HTR1E: variants seen among roughly 807,000 people sequenced by gnomAD.
HTR1E encodes the protein 5-hydroxytryptamine receptor 1E, also known as 5-HT-1E.
A neutral mutation model predicts 3.4 loss-of-function variants in HTR1E; 3 were observed. The ratio of observed to expected loss-of-function variants is 0.89; its 90% CI spans 0.41 to 2.31. The LOEUF is 2.31. Ranked by LOEUF, HTR1E falls within the 30% of genes most tolerant of loss-of-function variation. HTR1E has a pLI of 0.05. For synonymous variants in HTR1E, 170 were observed against 182.8 expected (o/e 0.93, Z 0.56); for missense variants, 392 against 467.0 (o/e 0.84, Z 1.48).
chr6:86,999,529 G>T (rs1305353942), intron 1 of HTR1E, among the ~76,000 whole-genome samples: 1 of 152,134 alleles, frequency 6.6e-6, no homozygotes, highest in Non-Finnish European at 1.5e-5. Flanking sequence ...CCATGTGACT[G>T]ACTAAGCCAC....
intron 1 of HTR1E, among the ~76,000 whole-genome samples, chr6:86,945,375 G>T (rs56108367): frequency 5.3e-5 from 8 of 151,996 alleles, no homozygotes; most frequent in Admixed American, 1.3e-4. Context: ...CCTAGTAGCT[G>T]GGATTACAGG....
intron 1 of HTR1E, among the ~76,000 whole-genome samples, chr6:86,952,498 GACACACAC>G (rs149359215): frequency 6.8e-6 from 1 of 146,944 alleles, no homozygotes; most frequent in African/African-American, 2.5e-5. Flanking sequence ...CACACACACA[GACACACAC>G]ACACACACAC....
At chr6:86,980,256 G>A (rs968621199) in intron 1 of HTR1E, among the ~76,000 whole-genome samples, 4 of 151,918 alleles carry the variant, frequency 2.6e-5, no homozygotes, top group East Asian at 1.9e-4. Flanking sequence ...GCATGGTGGC[G>A]GGCGCCTGTA....
chr6:87,012,595 A>T (rs915358137), intron 1 of HTR1E, among the ~76,000 whole-genome samples: 3 of 152,362 alleles, frequency 2.0e-5, no homozygotes. Context: ...AAGTTGACTT[A>T]TTTTTAATAG....
intron 1 of HTR1E, among the ~76,000 whole-genome samples, chr6:87,010,513 C>A (rs1288320529): frequency 7.3e-6 from 1 of 136,790 alleles, no homozygotes; most frequent in African/African-American, 2.8e-5. Flanking sequence ...CCAGATGGGG[C>A]GGCGGGGCAG....
intron 1 of HTR1E, among the ~76,000 whole-genome samples, chr6:87,010,319 C>G (rs1220862850): frequency 2.1e-5 from 2 of 94,088 alleles, no homozygotes; most frequent in Non-Finnish European, 4.0e-5. Context: ...GGGGGGCTGA[C>G]CCCCCCCACC....
chr6:86,955,401 GA>G, intron 1 of HTR1E, among the ~76,000 whole-genome samples: 1 of 152,314 alleles, frequency 6.6e-6, no homozygotes, highest in Non-Finnish European at 1.5e-5. Context: ...TTCTCTCACA[GA>G]TACTTGATAG....
intron 1 of HTR1E, among the ~76,000 whole-genome samples, chr6:86,994,631 C>A (rs1308070295): frequency 6.6e-6 from 1 of 151,852 alleles, no homozygotes; most frequent in Admixed American, 6.6e-5. Context: ...AAAGAAAGTT[C>A]TCTAGACAGA....
At chr6:86,980,338 G>A (rs909361991) in intron 1 of HTR1E, among the ~76,000 whole-genome samples, 4 of 149,864 alleles carry the variant, frequency 2.7e-5, no homozygotes, top group Non-Finnish European at 4.4e-5. Flanking sequence ...AGTGAGCCAA[G>A]ATCGAGCCAC....
intron 1 of HTR1E, among the ~76,000 whole-genome samples, chr6:87,013,677 C>G (rs1296688435): frequency 1.3e-5 from 2 of 151,304 alleles, no homozygotes; most frequent in East Asian, 1.9e-4. Context: ...TAAAAAAAAG[C>G]CTTTTTATAT....
chr6:87,016,423 G>C lies in HTR1E; in HGVS notation c.1089G>C (p.Glu363Asp), dbSNP rs1363155756. ...LAFKKLIRCR[E>D]HT is the part of the protein sequence containing the mutation. ...TTAAAAAGCTCATTAGATGCCGAGA[G>C]CATACTTAGACTGTAAAAAGCTAAA... The change falls in exon 2 of 2, where the codon GAG becomes GAC. Residue 363 changes from glutamate to aspartate, a missense_variant. Glu to Asp is a conservative substitution (Grantham distance 45). Around this residue, in one of 3 missense-constraint regions of HTR1E, gnomAD observed 25 missense variants for 44.1 expected, o/e 0.57. Coordinates refer to ENST00000305344, the MANE Select transcript of HTR1E (RefSeq NM_000865.3). 7 of 1,599,586 alleles carry C rather than the reference G, an allele frequency of 4.4e-6. No homozygotes were observed. Among genetic ancestry groups the C allele is most frequent in the African/African-American group, 1.3e-5 (1 of 74,646 alleles).
intron 1 of HTR1E, among the ~76,000 whole-genome samples, chr6:86,981,630 C>T (rs1562066785): frequency 6.6e-6 from 1 of 152,188 alleles, no homozygotes; most frequent in Non-Finnish European, 1.5e-5. Context: ...TCCATGCCAG[C>T]TGTCACATGG....
intron 1 of HTR1E, among the ~76,000 whole-genome samples, chr6:86,951,740 AT>A (rs1177149391): frequency 2.0e-5 from 3 of 152,224 alleles, no homozygotes; most frequent in Non-Finnish European, 2.9e-5. Context: ...AAAGAAAAAA[AT>A]ATATATGTCT....
At chr6:87,008,921 C>T (rs1274682213) in intron 1 of HTR1E, among the ~76,000 whole-genome samples, 1 of 152,188 alleles carries the variant, frequency 6.6e-6, no homozygotes. Context: ...AATAACCACT[C>T]TCCTTATGTT....
intron 1 of HTR1E, among the ~76,000 whole-genome samples, chr6:86,984,338 A>T (rs1355158898): frequency 1.3e-5 from 2 of 152,218 alleles, no homozygotes; most frequent in East Asian, 3.8e-4. Context: ...AAATGAATAC[A>T]TAGATTTAAA....
At chr6:86,997,164 A>C (rs1398239938) in intron 1 of HTR1E, among the ~76,000 whole-genome samples, 1 of 151,964 alleles carries the variant, frequency 6.6e-6, no homozygotes, top group Admixed American at 6.6e-5. Flanking sequence ...AAAAAGATTC[A>C]CATAAAAGTA....
intron 1 of HTR1E, among the ~76,000 whole-genome samples, chr6:86,997,875 A>G (rs1051892509): frequency 6.6e-6 from 1 of 151,924 alleles, no homozygotes; most frequent in African/African-American, 2.4e-5. Flanking sequence ...AAAGATATAA[A>G]TAGGTTAGAA....
In HTR1E at chr6:86,956,249, T is replaced by A. The variant is rs184841763; in HGVS notation, c.-186+18426T>A. Among the ~76,000 whole-genome samples, 28 of 152,308 alleles carry A rather than the reference T, an allele frequency of 1.8e-4. No individual in the cohort carries two copies. In the East Asian group the frequency reaches 5.4e-3, roughly 29 times the overall value. ...TAAAGAATCCTCTTCCCTTTCCAGG[T>A]CTTTTTCTGATCCCAGAAAGACTAA... is the stretch of plus-strand genomic sequence containing the variant. On this transcript the variant is annotated intron_variant, in intron 1 of 1. Coordinates refer to ENST00000305344, the MANE Select transcript of HTR1E (RefSeq NM_000865.3).
Position 87,010,163 on chromosome 6 carries a change from C to T in HTR1E, c.-185-4987C>T, listed in dbSNP as rs1340866908. Among the ~76,000 whole-genome samples, 8 of 120,808 alleles carry T rather than the reference C, an allele frequency of 6.6e-5. No individual in the cohort carries two copies. In the East Asian group the frequency reaches 8.9e-4, roughly 13 times the overall value. 79.3% of individuals were successfully genotyped at this position (120,808 alleles called of 152,430 possible). ...GCAGAGGCGCCCCTCACCTCCCGGACGGGGCGGCTGGCCGGGCGGGGGGCC... is the reference window on the plus strand; with the variant it reads ...GCAGAGGCGCCCCTCACCTCCCGGATGGGGCGGCTGGCCGGGCGGGGGGCC... On this transcript the variant is annotated intron_variant, in intron 1 of 1. Transcript: ENST00000305344.
Sources: allele counts gnomAD v4.1 joint callset (sites outside exome capture counted in the v4.1 genomes callset), GRCh38; gene constraint gnomAD v4.1.1; regional missense constraint gnomAD v4.1.1; transcripts MANE v1.5; gene names NCBI Gene and HGNC (gene_info 2026-07-23, HGNC 2026-07-21).